The following SLC22A23 variants were observed in gnomAD, a reference collection of about 807,000 sequenced individuals.
SLC22A23 encodes solute carrier family 22 member 23.
In SLC22A23, 26 loss-of-function variants were observed where a neutral mutation model predicts 61.0. The observed-to-expected ratio is 0.43, with a 90% CI of 0.31 to 0.59. The LOEUF (loss-of-function observed/expected upper bound fraction) is 0.59. Ranked by LOEUF, SLC22A23 falls within the 20% of genes least tolerant of loss-of-function variation. The pLI is 0.11. For missense variants in SLC22A23, 796 were observed against 934.7 expected (o/e 0.85, Z 1.94); for synonymous variants, 430 against 413.9 (o/e 1.04, Z -0.47).
chr6:3,357,034 G>A (rs1157682979), intron 3 of SLC22A23, among the ~76,000 whole-genome samples: 1 of 104,778 alleles, frequency 9.5e-6, no homozygotes, highest in African/African-American at 3.7e-5. Flanking sequence ...ATACAGCCTG[G>A]AAGAGAAAAC....
chr6:3,389,639 C>T (rs748425644), intron 3 of SLC22A23, among the ~76,000 whole-genome samples: 6 of 152,218 alleles, frequency 3.9e-5, no homozygotes, highest in Non-Finnish European at 7.4e-5. Flanking sequence ...ACTACAGTCA[C>T]CCCTCCTCCC....
chr6:3,447,895 C>CCT (rs746167920), intron 1 of SLC22A23, among the ~76,000 whole-genome samples: 8 of 78,130 alleles, frequency 1.0e-4, no homozygotes, highest in Non-Finnish European at 1.6e-4. Context: ...GCCTCTCTCT[C>CCT]TCTTTTTTTT....
chr6:3,352,883 C>T (rs1181638505), intron 3 of SLC22A23, among the ~76,000 whole-genome samples: 1 of 152,144 alleles, frequency 6.6e-6, no homozygotes, highest in Admixed American at 6.5e-5. Context: ...CCTGCAAACA[C>T]CCGGGAGAAG....
At chr6:3,364,529 C>T (rs1018636458) in intron 3 of SLC22A23, among the ~76,000 whole-genome samples, 1 of 152,182 alleles carries the variant, frequency 6.6e-6, no homozygotes, top group Admixed American at 6.5e-5. Context: ...CCCAGATGCC[C>T]TGCTCACACC....
chr6:3,408,464 T>C (rs1768975824), intron 3 of SLC22A23, among the ~76,000 whole-genome samples: 1 of 152,228 alleles, frequency 6.6e-6, no homozygotes, highest in African/African-American at 2.4e-5. Context: ...TGGTCTGGCT[T>C]CATTCATGGA....
intron 9 of SLC22A23, among the ~76,000 whole-genome samples, chr6:3,280,207 A>G (rs1165531799): frequency 6.6e-6 from 1 of 152,028 alleles, no homozygotes; most frequent in Admixed American, 6.6e-5. Flanking sequence ...TCCATTCTCC[A>G]CCCCCGCCTA....
chr6:3,449,779 G>A (rs1772080407), intron 1 of SLC22A23, among the ~76,000 whole-genome samples: 1 of 152,190 alleles, frequency 6.6e-6, no homozygotes, highest in Non-Finnish European at 1.5e-5. Context: ...TAAAAATGCA[G>A]CCTACTTTCA....
At chr6:3,419,180 GTC>G (rs1769947383) in intron 1 of SLC22A23, among the ~76,000 whole-genome samples, 1 of 152,176 alleles carries the variant, frequency 6.6e-6, no homozygotes, top group Admixed American at 6.5e-5. Flanking sequence ...AACGGGTTTT[GTC>G]TCTGACGTTA....
chr6:3,338,019 G>T (rs1172707771), intron 3 of SLC22A23, among the ~76,000 whole-genome samples: 1 of 152,170 alleles, frequency 6.6e-6, no homozygotes, highest in African/African-American at 2.4e-5. Flanking sequence ...AAGAGGAAGT[G>T]AGATGACTCA....
At chr6:3,449,080 A>T (rs1772050744) in intron 1 of SLC22A23, among the ~76,000 whole-genome samples, 1 of 152,242 alleles carries the variant, frequency 6.6e-6, no homozygotes, top group South Asian at 2.1e-4. Flanking sequence ...AATGTTTAGG[A>T]CGTTGTTACA....
At chr6:3,363,085 G>A (rs762176650) in intron 3 of SLC22A23, among the ~76,000 whole-genome samples, 7 of 152,236 alleles carry the variant, frequency 4.6e-5, no homozygotes, top group Non-Finnish European at 1.0e-4. Context: ...ATGAGCATCA[G>A]AAATGGGCTC....
At chr6:3,289,937 A>C (rs763154244) in intron 5 of SLC22A23, 71 bp from the exon 6 acceptor site, 15 of 1,171,616 alleles carry the variant, frequency 1.3e-5, no homozygotes, top group Non-Finnish European at 1.9e-5. Context: ...CTGCAGTCAC[A>C]GCCCTGGTTC....
At chr6:3,424,795 A>AGCGGCAGAGTCGAACAACT (rs1770377791) in intron 1 of SLC22A23, among the ~76,000 whole-genome samples, 1 of 152,224 alleles carries the variant, frequency 6.6e-6, no homozygotes, top group South Asian at 2.1e-4. Flanking sequence ...TCTGCACTAC[A>AGCGGCAGAGTCGAACAACT]GCGGCAGAGT....
chr6:3,402,143 T>A (rs550787721), intron 3 of SLC22A23, among the ~76,000 whole-genome samples: 37 of 152,320 alleles, frequency 2.4e-4, no homozygotes, highest in African/African-American at 7.7e-4. Flanking sequence ...GCATCCTCAG[T>A]GTCTCTCCTG....
At chr6:3,350,021 T>C (rs1764672013) in intron 3 of SLC22A23, among the ~76,000 whole-genome samples, 1 of 152,174 alleles carries the variant, frequency 6.6e-6, no homozygotes, top group South Asian at 2.1e-4. Flanking sequence ...TTGAAGCACA[T>C]AAAAGTCTGG....
At chr6:3,419,221 A>G (rs1769950822) in intron 1 of SLC22A23, among the ~76,000 whole-genome samples, 1 of 152,162 alleles carries the variant, frequency 6.6e-6, no homozygotes, top group Non-Finnish European at 1.5e-5. Context: ...CCATCAAATC[A>G]ATCACCAATT....
intron 3 of SLC22A23, among the ~76,000 whole-genome samples, chr6:3,338,590 G>A (rs903139334): frequency 3.3e-5 from 5 of 152,226 alleles, no homozygotes; most frequent in African/African-American, 1.2e-4. Context: ...GATTACAGGC[G>A]TGAGCCACTG....
chr6:3,401,452 T>C (rs1270969695), intron 3 of SLC22A23, among the ~76,000 whole-genome samples: 1 of 152,192 alleles, frequency 6.6e-6, no homozygotes, highest in Non-Finnish European at 1.5e-5. Flanking sequence ...CTTTCTAAAA[T>C]ACTTGGCATA....
chr6:3,308,267 C>A lies in SLC22A23; in HGVS notation c.1083-10049G>T, dbSNP rs1373255847. On this transcript the variant is annotated intron_variant, in intron 4 of 9. Transcript: ENST00000406686. The surrounding 1 kb of genome is among the most constrained non-coding windows in gnomAD (Gnocchi z 5.1). ...CATACCGCTCACCCCAATCCCAGTG[C>A]CCCTGCACTCACCCTCCCGTCCTCC... Among the ~76,000 whole-genome samples the A allele has an allele frequency of 6.6e-6, 1 of 152,166 alleles. No individual in the cohort carries two copies. Among genetic ancestry groups the A allele is most frequent in the Non-Finnish European group, 1.5e-5 (1 of 68,022 alleles).
Sources: gnomAD v4.1 joint callset for allele counts (sites outside exome capture counted in the v4.1 genomes callset) on GRCh38, gnomAD v4.1.1 for gene constraint, Gnocchi (gnomAD v3.1) non-coding constraint, MANE v1.5 for transcripts, NCBI Gene and HGNC (gene_info 2026-07-23, HGNC 2026-07-21) for gene names.